The following ALDH9A1 variants were observed in gnomAD, a reference collection of about 807,000 sequenced individuals.
The protein encoded by ALDH9A1 is 4-trimethylaminobutyraldehyde dehydrogenase.
ALDH9A1 carries 42 observed loss-of-function variants against 56.6 expected under a neutral mutation model. That is an observed-to-expected ratio of 0.74 (90% CI 0.58 to 0.96). ALDH9A1 has a LOEUF of 0.96. Ranked by LOEUF, ALDH9A1 falls within the 40% of genes least tolerant of loss-of-function variation. The pLI is 0.00. For missense variants in ALDH9A1, 661 were observed against 651.5 expected (o/e 1.01, Z -0.16); for synonymous variants, 242 against 236.0 (o/e 1.03, Z -0.23).
intron 6 of ALDH9A1, 42 bp from the exon 7 acceptor site, chr1:165,669,492 G>T (rs1171372265): frequency 1.3e-6 from 2 of 1,493,896 alleles, no homozygotes; most frequent in South Asian, 1.4e-5. Flanking sequence ...TGTGTGTAAG[G>T]AGAAAAAAGG....
intron 2 of ALDH9A1, among the ~76,000 whole-genome samples, chr1:165,689,176 T>A (rs1649804247): frequency 6.6e-6 from 1 of 152,188 alleles, no homozygotes; most frequent in Non-Finnish European, 1.5e-5. Flanking sequence ...TAAAAATAAA[T>A]TTTTAATAAC....
intron 2 of ALDH9A1, among the ~76,000 whole-genome samples, chr1:165,688,851 G>A (rs1264472242): frequency 3.3e-5 from 5 of 152,182 alleles, no homozygotes; most frequent in African/African-American, 4.8e-5. Context: ...TTCAGAGCAC[G>A]ATCATCAGAC....
intron 4 of ALDH9A1, among the ~76,000 whole-genome samples, chr1:165,681,359 T>C (rs201245520): frequency 6.6e-5 from 10 of 152,182 alleles, no homozygotes; most frequent in South Asian, 6.2e-4. Flanking sequence ...AAAGTTGACA[T>C]TGAAGACCAG....
At chr1:165,681,557 T>G (rs1001913591) in intron 4 of ALDH9A1, among the ~76,000 whole-genome samples, 2 of 152,218 alleles carry the variant, frequency 1.3e-5, no homozygotes, top group African/African-American at 4.8e-5. Context: ...TTTCTAACAT[T>G]ACAATTTTTT....
At chr1:165,692,945 A>G (rs1045595366) in intron 2 of ALDH9A1, among the ~76,000 whole-genome samples, 1 of 152,020 alleles carries the variant, frequency 6.6e-6, no homozygotes, top group Non-Finnish European at 1.5e-5. Context: ...GACAAACCTG[A>G]GAAAAACAAG....
intron 2 of ALDH9A1, among the ~76,000 whole-genome samples, chr1:165,684,680 G>A (rs1649654412): frequency 6.6e-6 from 1 of 152,174 alleles, no homozygotes; most frequent in Non-Finnish European, 1.5e-5. Context: ...GTTGAATAAA[G>A]TGATGAATCA....
At chr1:165,684,161 C>T (rs10800128) in intron 2 of ALDH9A1, among the ~76,000 whole-genome samples, 102,609 of 151,990 alleles carry the variant, frequency 0.68, 35,031 homozygotes, top group East Asian at 0.98. Context: ...GATTTGGACA[C>T]GCTGTATTTC....
In ALDH9A1 at chr1:165,682,210, A is replaced by C; in HGVS notation, c.489T>G (p.Phe163Leu). The change falls in exon 4 of 11, where the codon TTT (phenylalanine) becomes TTG (leucine). Residue 163 changes from phenylalanine to leucine, a missense_variant. Physicochemically the swap from Phe to Leu is conservative, Grantham distance 22. Transcript: ENST00000354775. Reference protein sequence around the residue: ...GEHIQLPGGSFGYTRREPLGV... With the variant: ...GEHIQLPGGSLGYTRREPLGV... ...CAAGTGGTTCTCTTCTGGTATAACC[A>C]AACGATCCACCTGGGAGCTGGATGT... The C allele has an allele frequency of 1.2e-6, 2 of 1,613,808 alleles. No individual in the cohort carries two copies. Among genetic ancestry groups the C allele is most frequent in the Non-Finnish European group, 1.7e-6 (2 of 1,179,848 alleles).
In ALDH9A1 at chr1:165,685,564, A is replaced by G. The variant is rs146788768; in HGVS notation, c.328-2454T>C. Reference sequence around the variant, plus strand: ...AACATGTAAGCACAAGAGGCAAGAAAAACAAAAGAACAGCACCAAACTCAG... The same window carrying G: ...AACATGTAAGCACAAGAGGCAAGAAGAACAAAAGAACAGCACCAAACTCAG... On this transcript the variant is annotated intron_variant, in intron 2 of 10. Transcript: ENST00000354775. 2.2e-3 allele frequency among the ~76,000 whole-genome samples: 338 copies of G among 152,338 alleles called. 5 individuals are homozygous for G. The highest frequency in any genetic ancestry group is 3.2e-3 in the Admixed American group (49 of 15,306).
At chr1:165,698,308 CG>C in intron 1 of ALDH9A1, 69 bp downstream of exon 1, 4 of 1,530,254 alleles carry the variant, frequency 2.6e-6, no homozygotes, top group Non-Finnish European at 3.5e-6. Flanking sequence ...ACACAGGAAA[CG>C]GGGGCTGGCC....
In ALDH9A1 at chr1:165,698,338, G is replaced by A. The variant is rs1378398764; in HGVS notation, c.181+40C>T. The stretch of plus-strand genomic sequence containing the variant: ...GCTGGCCGGGAAATCCGCGCATCCG[G>A]CCCCAGGGCGCCCCAGCCTCCCCGG... On this transcript the variant is annotated intron_variant, in intron 1 of 10. Transcript: ENST00000354775. 6 of 1,562,844 alleles carry A rather than the reference G, an allele frequency of 3.8e-6. No homozygotes were observed. In the East Asian group the frequency reaches 1.4e-4, roughly 36 times the overall value.
At chr1:165,686,507 G>T (rs1359343846) in intron 2 of ALDH9A1, among the ~76,000 whole-genome samples, 3 of 136,194 alleles carry the variant, frequency 2.2e-5, no homozygotes, top group Admixed American at 2.1e-4. Context: ...AGAAGAAAAT[G>T]TTTTTTTTTT....
At position 165,698,477 on chromosome 1, in the gene ALDH9A1, C is replaced by T. The variant is rs73014554; in HGVS notation, c.82G>A (p.Gly28Ser). ...RPSPVAAMST[G>S]TFVVSQPLNY... is the part of the protein sequence containing the mutation. Reference sequence around the variant, plus strand: ...AGCGGCTGCGACACGACGAAGGTGCCAGTGCTCATGGCGGCGACAGGAGAG... The same window carrying T: ...AGCGGCTGCGACACGACGAAGGTGCTAGTGCTCATGGCGGCGACAGGAGAG... Residue 28 changes from glycine (G) to serine (S), a missense_variant, in exon 1 of 11, where the codon GGC (glycine) becomes AGC (serine). Gly to Ser is a moderately conservative substitution (Grantham distance 56). Coordinates refer to ENST00000354775, the MANE Select transcript of ALDH9A1 (RefSeq NM_000696.4). 1.4e-4 allele frequency: 220 copies of T among 1,608,786 alleles called. No homozygotes were observed. The African/African-American group carries it at 2.9e-3, about 21-fold the overall frequency.
At chr1:165,684,773 T>A (rs1028124103) in intron 2 of ALDH9A1, among the ~76,000 whole-genome samples, 1 of 152,048 alleles carries the variant, frequency 6.6e-6, no homozygotes. Context: ...AGTGTAAGAG[T>A]GAACAAATAG....
intron 1 of ALDH9A1, among the ~76,000 whole-genome samples, chr1:165,696,598 A>G (rs913946454): frequency 1.3e-5 from 2 of 151,972 alleles, no homozygotes; most frequent in Non-Finnish European, 2.9e-5. Context: ...TCCTTTTCTT[A>G]TTCCACCTTT....
chr1:165,670,803 G>A (rs1399266217), intron 6 of ALDH9A1, among the ~76,000 whole-genome samples: 2 of 152,232 alleles, frequency 1.3e-5, no homozygotes, highest in Non-Finnish European at 2.9e-5. Flanking sequence ...TGGGCATAGT[G>A]GCTCAGGCCT....
intron 6 of ALDH9A1, chr1:165,676,573 C>G (rs112805664): frequency 7.4e-6 from 2 of 270,234 alleles, no homozygotes; most frequent in Non-Finnish European, 1.4e-5. Flanking sequence ...AGAGAATTAA[C>G]GTGCACATTG....
chr1:165,690,139 TTATA>T (rs766132394), intron 2 of ALDH9A1, among the ~76,000 whole-genome samples: 17 of 136,526 alleles, frequency 1.2e-4, no homozygotes, highest in Non-Finnish European at 2.0e-4. Flanking sequence ...ATTATATAGA[TTATA>T]TATTATTCTA....
chr1:165,685,899 ATTGTT>A (rs1359461526), intron 2 of ALDH9A1, among the ~76,000 whole-genome samples: 2 of 152,192 alleles, frequency 1.3e-5, no homozygotes, highest in African/African-American at 4.8e-5. Context: ...TAGTTTTGTC[ATTGTT>A]TTAAGTAACA....
Sources: gnomAD v4.1 joint callset for allele counts (sites outside exome capture counted in the v4.1 genomes callset) on GRCh38, gnomAD v4.1.1 for gene constraint, MANE v1.5 for transcripts, NCBI Gene and HGNC (gene_info 2026-07-23, HGNC 2026-07-21) for gene names.